KDM4C: variants seen among roughly 807,000 people sequenced by gnomAD.
The protein encoded by KDM4C is lysine-specific demethylase 4C.
KDM4C carries 81 observed loss-of-function variants against 129.3 expected under a neutral mutation model. The ratio of observed to expected loss-of-function variants is 0.63; its 90% confidence interval spans 0.52 to 0.75. The LOEUF is 0.75. KDM4C is among the 30% of genes least tolerant of loss of function. The probability of loss-of-function intolerance (pLI) is 0.00; values close to 1 mark genes in which losing one functional copy is unlikely to be tolerated. For missense variants in KDM4C, 1,457 were observed against 1,304.0 expected (o/e 1.12, Z -1.81); for synonymous variants, 573 against 456.1 (o/e 1.26, Z -3.26).
At chr9:7,152,952 A>G (rs1339804695) in intron 19 of KDM4C, among the ~76,000 whole-genome samples, 5 of 152,254 alleles carry the variant, frequency 3.3e-5, no homozygotes, top group African/African-American at 1.2e-4. Context: ...TTTAAAAATT[A>G]GAAGTACAGG....
intron 15 of KDM4C, among the ~76,000 whole-genome samples, chr9:7,029,888 T>C (rs901478740): frequency 1.3e-5 from 2 of 152,340 alleles, no homozygotes; most frequent in Middle Eastern, 6.8e-3. Context: ...GCATTAAGCC[T>C]ATGGTGTCAT....
intron 5 of KDM4C, among the ~76,000 whole-genome samples, chr9:6,867,010 TATATA>T (rs1301005934): frequency 1.0e-5 from 1 of 98,238 alleles, no homozygotes; most frequent in Non-Finnish European, 1.9e-5. Context: ...TATATATATA[TATATA>T]TATTTTTTTT....
At chr9:7,076,836 G>C in intron 17 of KDM4C, 7 of 1,008,286 alleles carry the variant, frequency 6.9e-6, no homozygotes, top group Non-Finnish European at 8.3e-6. Context: ...ATTGTCATTG[G>C]AATCAAAAGC....
intron 8 of KDM4C, among the ~76,000 whole-genome samples, chr9:6,955,154 C>T (rs1240662736): frequency 6.6e-6 from 1 of 152,264 alleles, no homozygotes; most frequent in South Asian, 2.1e-4. Flanking sequence ...CAGACTAGAG[C>T]CAAGATCTGA....
At chr9:6,843,384 T>C (rs1837323702) in intron 4 of KDM4C, among the ~76,000 whole-genome samples, 1 of 152,260 alleles carries the variant, frequency 6.6e-6, no homozygotes, top group African/African-American at 2.4e-5. Flanking sequence ...ATATTTTCAC[T>C]TGTGTTTTGT....
At position 6,828,079 on chromosome 9, in the gene KDM4C, C is replaced by T. The variant is rs190605191; in HGVS notation, c.435+13334C>T. Among the ~76,000 whole-genome samples the T allele has an allele frequency of 3.2e-3, 481 of 152,198 alleles. 5 individuals are homozygous for T. The highest frequency in any genetic ancestry group is 0.011 in the African/African-American group (447 of 41,512). ...CAGTTAAAGCCCATGTGGTTGTTGC[C>T]CCTGAGAATGGTGCAAGTAGGAAGG... On this transcript the variant is annotated intron_variant, in intron 4 of 21. Coordinates refer to ENST00000381309, the MANE Select transcript of KDM4C (RefSeq NM_015061.6).
chr9:7,028,876 C>G (rs1208232486), intron 15 of KDM4C, among the ~76,000 whole-genome samples: 1 of 151,994 alleles, frequency 6.6e-6, no homozygotes, highest in Non-Finnish European at 1.5e-5. Context: ...CTTACAATTT[C>G]TGTGCTCTCC....
intron 17 of KDM4C, among the ~76,000 whole-genome samples, chr9:7,099,597 C>T (rs1376052574): frequency 6.6e-6 from 1 of 152,244 alleles, no homozygotes; most frequent in Admixed American, 6.5e-5. Flanking sequence ...GACACCTTTT[C>T]ACTTTTTAAC....
intron 15 of KDM4C, among the ~76,000 whole-genome samples, chr9:7,036,021 G>C (rs1827585254): frequency 6.6e-6 from 1 of 152,164 alleles, no homozygotes; most frequent in Non-Finnish European, 1.5e-5. Context: ...TTTCTGTGAA[G>C]AGTGTCATTG....
At chr9:6,864,640 T>C (rs1036376053) in intron 5 of KDM4C, among the ~76,000 whole-genome samples, 2 of 151,922 alleles carry the variant, frequency 1.3e-5, no homozygotes, top group Admixed American at 6.5e-5. Flanking sequence ...AGCTAATTTT[T>C]TTTTTTAAAT....
chr9:7,174,235 T>A (rs541022325), intron 21 of KDM4C, among the ~76,000 whole-genome samples: 247 of 72,206 alleles, frequency 3.4e-3, no homozygotes, highest in Admixed American at 8.3e-3. Context: ...AGATGACTGT[T>A]GACATTTGTC....
chr9:7,146,748 G>GC (rs1472547407), intron 19 of KDM4C, among the ~76,000 whole-genome samples: 1 of 152,066 alleles, frequency 6.6e-6, no homozygotes, highest in East Asian at 1.9e-4. Context: ...GTGGCCTCAG[G>GC]CGAGTCACTC....
At chr9:6,940,142 A>G (rs1012845268) in intron 8 of KDM4C, among the ~76,000 whole-genome samples, 1 of 150,962 alleles carries the variant, frequency 6.6e-6, no homozygotes, top group South Asian at 2.1e-4. Flanking sequence ...CCCAGGCTGG[A>G]GTGCAGTGGT....
chr9:6,818,050 C>T (rs1354038185), intron 4 of KDM4C, among the ~76,000 whole-genome samples: 1 of 152,110 alleles, frequency 6.6e-6, no homozygotes, highest in East Asian at 1.9e-4. Flanking sequence ...CAGGTGTGAG[C>T]CACCGCACCC....
chr9:7,130,242 G>A (rs1380696937), intron 19 of KDM4C, among the ~76,000 whole-genome samples: 1 of 152,232 alleles, frequency 6.6e-6, no homozygotes, highest in African/African-American at 2.4e-5. Flanking sequence ...CAAAACCTGA[G>A]CACAGTTAAA....
intron 4 of KDM4C, among the ~76,000 whole-genome samples, chr9:6,842,334 T>TTTG (rs1554714659): frequency 3.1e-4 from 39 of 124,144 alleles, no homozygotes; most frequent in East Asian, 1.0e-3. Context: ...TTTTTTTTTT[T>TTTG]GAGACGGAGT....
At chr9:6,888,787 T>C (rs927396751) in intron 7 of KDM4C, among the ~76,000 whole-genome samples, 1 of 117,404 alleles carries the variant, frequency 8.5e-6, no homozygotes. Flanking sequence ...CTGTGTTTTT[T>C]TTTTTTTTTT....
At chr9:6,820,261 A>G (rs1351163241) in intron 4 of KDM4C, among the ~76,000 whole-genome samples, 1 of 152,182 alleles carries the variant, frequency 6.6e-6, no homozygotes, top group African/African-American at 2.4e-5. Flanking sequence ...TTTGATGACT[A>G]AGTTCCAGTG....
At chr9:7,032,148 C>G (rs1027233647) in intron 15 of KDM4C, among the ~76,000 whole-genome samples, 1 of 152,184 alleles carries the variant, frequency 6.6e-6, no homozygotes, top group Non-Finnish European at 1.5e-5. Context: ...TAGGTAGAAT[C>G]TTTGACTCCC....
Sources: allele counts gnomAD v4.1 joint callset (sites outside exome capture counted in the v4.1 genomes callset), GRCh38; gene constraint gnomAD v4.1.1; transcripts MANE v1.5; gene names NCBI Gene and HGNC (gene_info 2026-07-23, HGNC 2026-07-21).